Variants in LRRC4C observed in about 807,000 individuals in gnomAD.
LRRC4C encodes leucine-rich repeat-containing protein 4C.
A neutral mutation model predicts 33.6 loss-of-function variants in LRRC4C; 5 were observed. The ratio of observed to expected loss-of-function variants is 0.15; its 90% CI spans 0.08 to 0.31. The LOEUF is 0.31. Among genes scored for constraint, LRRC4C ranks in the 10% least tolerant of loss-of-function variants. LRRC4C has a pLI of 1.00. For missense variants in LRRC4C, 560 were observed against 796.7 expected, an observed-to-expected ratio of 0.70 and a Z score of 3.58; for synonymous variants, 329 against 302.0, an observed-to-expected ratio of 1.09 and a Z score of -0.93.
intron 4 of LRRC4C, among the ~76,000 whole-genome samples, chr11:40,245,613 C>G (rs1407129686): frequency 1.3e-5 from 2 of 152,048 alleles, no homozygotes; most frequent in African/African-American, 4.8e-5. Flanking sequence ...CCATTTCAAT[C>G]TAATTCATTA....
chr11:41,123,267 T>G (rs4756634), intron 1 of LRRC4C, among the ~76,000 whole-genome samples: 37,603 of 71,660 alleles, frequency 0.52, 7,559 homozygotes, highest in Middle Eastern at 0.67. Context: ...TTTTGTTTTT[T>G]TTTTTTTTTT....
At chr11:40,682,786 G>A (rs369638473) in intron 2 of LRRC4C, among the ~76,000 whole-genome samples, 3 of 95,294 alleles carry the variant, frequency 3.1e-5, no homozygotes, top group Non-Finnish European at 7.8e-5. Context: ...ATAAAATAAA[G>A]ATATCTCTGT....
intron 3 of LRRC4C, among the ~76,000 whole-genome samples, chr11:40,443,999 C>G (rs1229397451): frequency 1.3e-5 from 2 of 152,152 alleles, no homozygotes; most frequent in East Asian, 3.8e-4. Flanking sequence ...GAATTTCATT[C>G]AATACAACAA....
chr11:41,230,660 A>T (rs1947746294), intron 1 of LRRC4C, among the ~76,000 whole-genome samples: 1 of 152,126 alleles, frequency 6.6e-6, no homozygotes, highest in Admixed American at 6.6e-5. Flanking sequence ...ACCCTAGAAG[A>T]AAACCTAGGC....
At chr11:41,153,742 A>T (rs1944102796) in intron 1 of LRRC4C, among the ~76,000 whole-genome samples, 1 of 152,186 alleles carries the variant, frequency 6.6e-6, no homozygotes, top group African/African-American at 2.4e-5. Flanking sequence ...TTTGTAGTAG[A>T]TTAAATTATG....
At chr11:41,212,940 T>A (rs1946884050) in intron 1 of LRRC4C, among the ~76,000 whole-genome samples, 1 of 152,226 alleles carries the variant, frequency 6.6e-6, no homozygotes, top group Admixed American at 6.5e-5. Context: ...TTTAAAAAGT[T>A]GTTACACTGA....
At chr11:40,303,907 C>T (rs1944902515) in intron 4 of LRRC4C, among the ~76,000 whole-genome samples, 3 of 152,146 alleles carry the variant, frequency 2.0e-5, no homozygotes, top group Admixed American at 2.0e-4. Flanking sequence ...GAATATTATT[C>T]AACCTTTCAT....
chr11:41,264,275 A>G (rs1037236114), intron 1 of LRRC4C, among the ~76,000 whole-genome samples: 2 of 151,970 alleles, frequency 1.3e-5, no homozygotes, highest in African/African-American at 2.4e-5. Flanking sequence ...TATTTTTAGT[A>G]GAGATGGGGT....
chr11:41,345,342 G>A (rs145090209), intron 1 of LRRC4C, among the ~76,000 whole-genome samples: 2 of 152,092 alleles, frequency 1.3e-5, no homozygotes, highest in Non-Finnish European at 2.9e-5. Context: ...TATCTTTGTC[G>A]ATATGTATTC....
At chr11:40,541,494 T>G (rs1956705608) in intron 3 of LRRC4C, among the ~76,000 whole-genome samples, 1 of 152,178 alleles carries the variant, frequency 6.6e-6, no homozygotes, top group Non-Finnish European at 1.5e-5. Context: ...AAGTCCAACT[T>G]GACAAATTCA....
At chr11:40,910,452 T>C (rs1046129031) in intron 2 of LRRC4C, among the ~76,000 whole-genome samples, 5 of 152,196 alleles carry the variant, frequency 3.3e-5, no homozygotes, top group Non-Finnish European at 7.3e-5. Flanking sequence ...AATTTAAAAA[T>C]GTAGCTTTAA....
chr11:40,836,819 A>G (rs1484099052), intron 2 of LRRC4C, among the ~76,000 whole-genome samples: 4 of 152,188 alleles, frequency 2.6e-5, no homozygotes, highest in Admixed American at 1.3e-4. Context: ...AAGTCCCAGA[A>G]CAACAAAAGA....
At chr11:41,186,355 G>C (rs1385339084) in intron 1 of LRRC4C, among the ~76,000 whole-genome samples, 1 of 152,178 alleles carries the variant, frequency 6.6e-6, no homozygotes, top group Non-Finnish European at 1.5e-5. Flanking sequence ...TATAGCTGCT[G>C]TGGAAAATAT....
chr11:40,303,504 A>T (rs1944882305), intron 4 of LRRC4C, among the ~76,000 whole-genome samples: 1 of 152,164 alleles, frequency 6.6e-6, no homozygotes, highest in Admixed American at 6.5e-5. Context: ...AGCTTATATT[A>T]GATTAGCAGT....
At chr11:40,547,133 A>G (rs1565493125) in intron 3 of LRRC4C, among the ~76,000 whole-genome samples, 1 of 151,368 alleles carries the variant, frequency 6.6e-6, no homozygotes, top group Admixed American at 6.6e-5. Flanking sequence ...AGTTTTTCTA[A>G]AATGTCTTTT....
intron 4 of LRRC4C, among the ~76,000 whole-genome samples, chr11:40,251,784 G>T (rs532396016): frequency 6.6e-6 from 1 of 152,228 alleles, no homozygotes; most frequent in African/African-American, 2.4e-5. Context: ...TCAGTTCTTA[G>T]GATGCATTGA....
chr11:41,333,123 ACAGAAAAAGC>A (rs1241032173), intron 1 of LRRC4C, among the ~76,000 whole-genome samples: 4 of 152,246 alleles, frequency 2.6e-5, no homozygotes, highest in Non-Finnish European at 5.9e-5. Flanking sequence ...GGTATTTTAT[ACAGAAAAAGC>A]CAAGCTAAGC....
intron 2 of LRRC4C, among the ~76,000 whole-genome samples, chr11:40,730,848 T>C (rs1947535248): frequency 6.6e-6 from 1 of 152,212 alleles, no homozygotes; most frequent in African/African-American, 2.4e-5. Context: ...TAATATCATG[T>C]TTATTTTTTA....
intron 2 of LRRC4C, among the ~76,000 whole-genome samples, chr11:40,742,128 T>C (rs1014409300): frequency 6.6e-6 from 1 of 152,042 alleles, no homozygotes; most frequent in Non-Finnish European, 1.5e-5. Context: ...GCCCAAATCC[T>C]GTTTCCATAA....
Sources: allele counts gnomAD v4.1 joint callset (sites outside exome capture counted in the v4.1 genomes callset), GRCh38; gene constraint gnomAD v4.1.1; transcripts MANE v1.5; gene names NCBI Gene and HGNC (gene_info 2026-07-23, HGNC 2026-07-21).